PIKFYVE: variants seen among roughly 807,000 people sequenced by gnomAD.
The protein encoded by PIKFYVE is phosphoinositide kinase, FYVE-type zinc finger containing, also known as 1-phosphatidylinositol 3-phosphate 5-kinase.
A neutral mutation model predicts 257.9 loss-of-function variants in PIKFYVE; 122 were observed. That is an observed-to-expected ratio of 0.47 (90% CI 0.41 to 0.55). The LOEUF (loss-of-function observed/expected upper bound fraction) is 0.55. Ranked by LOEUF, PIKFYVE falls within the 20% of genes least tolerant of loss-of-function variation. The pLI, the probability that PIKFYVE is intolerant of heterozygous loss-of-function variation, is 0.00. For missense variants in PIKFYVE, 2,160 were observed against 2,536.6 expected (o/e 0.85, Z 3.19); for synonymous variants, 892 against 868.9 (o/e 1.03, Z -0.47).
intron 14 of PIKFYVE, 128 bp downstream of exon 14, chr2:208,314,551 A>C (rs1218965894): frequency 4.5e-6 from 5 of 1,104,354 alleles, no homozygotes; most frequent in Non-Finnish European, 6.5e-6. Flanking sequence ...AAAAAATACT[A>C]AGGTTACTTA....
At chr2:208,270,059 T>TTTTG (rs1689204576) in intron 1 of PIKFYVE, 1 of 161,314 alleles carries the variant, frequency 6.2e-6, no homozygotes, top group Non-Finnish European at 1.4e-5. Context: ...TTTTTTTTTT[T>TTTTG]GTGGATGGAG....
chr2:208,290,548 T>G (rs1422574721), intron 7 of PIKFYVE, among the ~76,000 whole-genome samples: 1 of 152,246 alleles, frequency 6.6e-6, no homozygotes, highest in African/African-American at 2.4e-5. Flanking sequence ...CTTCTAAGTT[T>G]TATCAGTTAC....
In PIKFYVE at chr2:208,325,979, C is replaced by G. The variant is rs1356314336; in HGVS notation, c.3168C>G (p.Ile1056Met). The G allele has an allele frequency of 1.2e-6, 2 of 1,613,802 alleles. No individual in the cohort carries two copies. The highest frequency in any genetic ancestry group is 1.7e-6 in the Non-Finnish European group (2 of 1,179,824). ...KQELKDVILCISPVITFREPF... is the reference protein window; with the variant it reads ...KQELKDVILCMSPVITFREPF... Reference sequence around the variant, plus strand: ...AATTAAAAGATGTGATCCTCTGTATCTCCCCAGTAATCACATTCCGAGAAC... The same window carrying G: ...AATTAAAAGATGTGATCCTCTGTATGTCCCCAGTAATCACATTCCGAGAAC... The change falls in exon 20 of 42, where the codon ATC becomes ATG. Residue 1056 changes from isoleucine to methionine, a missense_variant. Transcript: ENST00000264380.
At chr2:208,337,571 A>G (rs1007549895) in intron 28 of PIKFYVE, among the ~76,000 whole-genome samples, 5 of 151,904 alleles carry the variant, frequency 3.3e-5, no homozygotes, top group Non-Finnish European at 7.4e-5. Context: ...ATCTAGATAT[A>G]TCTATCTGTC....
At chr2:208,269,905 C>A in intron 1 of PIKFYVE, 1 of 280,290 alleles carries the variant, frequency 3.6e-6, no homozygotes, top group Non-Finnish European at 7.3e-6. Context: ...TTGGCAGCAC[C>A]TTTGGAGATG....
chr2:208,294,699 C>A (rs1222543633), intron 7 of PIKFYVE, among the ~76,000 whole-genome samples: 1 of 151,988 alleles, frequency 6.6e-6, no homozygotes, highest in Non-Finnish European at 1.5e-5. Context: ...ATTTTTCTTC[C>A]CCCATGTGGA....
intron 7 of PIKFYVE, among the ~76,000 whole-genome samples, chr2:208,289,462 A>T (rs1156486867): frequency 1.3e-5 from 2 of 151,104 alleles, no homozygotes; most frequent in African/African-American, 4.9e-5. Context: ...ACGGAGTCTC[A>T]CTCTCTCGCC....
At chr2:208,337,583 A>G (rs926148470) in intron 28 of PIKFYVE, among the ~76,000 whole-genome samples, 1 of 152,062 alleles carries the variant, frequency 6.6e-6, no homozygotes, top group African/African-American at 2.4e-5. Flanking sequence ...CTATCTGTCT[A>G]TCGATCTATC....
intron 20 of PIKFYVE, 72 bp downstream of exon 20, chr2:208,326,501 A>G (rs1182250584): frequency 3.3e-6 from 5 of 1,520,048 alleles, no homozygotes; most frequent in Middle Eastern, 2.0e-4. Flanking sequence ...GGCAGGCTAA[A>G]AAAATCAGTT....
At chr2:208,269,781 G>T in intron 1 of PIKFYVE, 2 of 249,962 alleles carry the variant, frequency 8.0e-6, no homozygotes, top group South Asian at 6.8e-5. Flanking sequence ...TGTTAAACTT[G>T]ATCACCACTT....
intron 7 of PIKFYVE, among the ~76,000 whole-genome samples, chr2:208,297,062 C>T (rs1303729911): frequency 6.6e-6 from 1 of 152,020 alleles, no homozygotes; most frequent in Non-Finnish European, 1.5e-5. Context: ...AATTTACAGT[C>T]TATCTCCATG....
chr2:208,330,037 A>T, intron 22 of PIKFYVE, 124 bp downstream of exon 22: 3 of 1,261,532 alleles, frequency 2.4e-6, no homozygotes, highest in South Asian at 1.4e-5. Context: ...CATAGTGCAT[A>T]TCAGAGTATA....
chr2:208,352,814 C>T, intron 39 of PIKFYVE, 32 bp downstream of exon 39: 1 of 1,606,990 alleles, frequency 6.2e-7, no homozygotes. Context: ...AAGCATTTAG[C>T]TACTGGAACC....
intron 3 of PIKFYVE, among the ~76,000 whole-genome samples, chr2:208,275,905 T>C (rs1431499224): frequency 6.6e-6 from 1 of 152,220 alleles, no homozygotes; most frequent in Non-Finnish European, 1.5e-5. Context: ...AGTTGTAATT[T>C]TGGTCTAAAT....
chr2:208,330,270 C>T (rs1266496388), intron 22 of PIKFYVE, among the ~76,000 whole-genome samples: 1 of 152,160 alleles, frequency 6.6e-6, no homozygotes, highest in Non-Finnish European at 1.5e-5. Flanking sequence ...CTTTACTAGT[C>T]CCCTTTATAG....
chr2:208,300,532 T>C (rs748060273), intron 8 of PIKFYVE, among the ~76,000 whole-genome samples: 12 of 152,190 alleles, frequency 7.9e-5, no homozygotes, highest in Admixed American at 5.2e-4. Flanking sequence ...CTCTTCTTTT[T>C]AAAAAACTCA....
At chr2:208,339,595 A>G (rs17699838) in intron 30 of PIKFYVE, 40 bp downstream of exon 30, 174,095 of 1,604,964 alleles carry the variant, frequency 0.11, 9,963 homozygotes, top group Non-Finnish European at 0.12. Flanking sequence ...CATTGTATCT[A>G]AGACTGAAAG....
At chr2:208,321,239 T>C (rs1040907878) in intron 17 of PIKFYVE, among the ~76,000 whole-genome samples, 4 of 152,214 alleles carry the variant, frequency 2.6e-5, no homozygotes, top group African/African-American at 9.6e-5. Context: ...GTGTATATTA[T>C]ATTATAGTGG....
chr2:208,348,103 AATAG>A, intron 35 of PIKFYVE, 80 bp downstream of exon 35: 2 of 1,534,426 alleles, frequency 1.3e-6, no homozygotes, highest in Non-Finnish European at 1.8e-6. Flanking sequence ...TATAGCCTTA[AATAG>A]ATAATTCTTA....
Sources: gnomAD v4.1 joint callset for allele counts (sites outside exome capture counted in the v4.1 genomes callset) on GRCh38, gnomAD v4.1.1 for gene constraint, MANE v1.5 for transcripts, NCBI Gene and HGNC (gene_info 2026-07-23, HGNC 2026-07-21) for gene names.